RBPJ: variants seen among roughly 807,000 people sequenced by gnomAD.
RBPJ encodes the protein recombining binding protein suppressor of hairless.
RBPJ carries 9 observed loss-of-function variants against 67.8 expected under a neutral mutation model. The observed-to-expected ratio is 0.13, with a 90% confidence interval of 0.08 to 0.23. The LOEUF is 0.23. Among genes scored for constraint, RBPJ ranks in the 10% least tolerant of loss-of-function variants. RBPJ has a pLI of 1.00. For missense variants in RBPJ, 305 were observed against 595.6 expected (o/e 0.51, Z 5.08); for synonymous variants, 198 against 203.3 (o/e 0.97, Z 0.22).
At chr4:26,428,597 T>C (rs1053335063) in intron 7 of RBPJ, 123 bp from the exon 8 acceptor site, 2 of 682,976 alleles carry the variant, frequency 2.9e-6, no homozygotes, top group African/African-American at 3.7e-5. Flanking sequence ...TATGTAGGCA[T>C]AGGACAAATA....
chr4:26,296,952 C>T (rs1007334348), intron 1 of RBPJ, among the ~76,000 whole-genome samples: 1 of 152,084 alleles, frequency 6.6e-6, no homozygotes, highest in African/African-American at 2.4e-5. Context: ...GTGGTTAACC[C>T]GTGTTGCATA....
rs563905642 is a variant in RBPJ, at chr4:26,290,128, G to A, written c.-166-72318G>A. On this transcript the variant is annotated intron_variant, in intron 1 of 4. Coordinates refer to the RBPJ transcript ENST00000512351. ...GAGGGTTGCTTGAGGCCAGGAGTTC[G>A]AAACCAGCCTAGGCAAAACAGCGAG... Among the ~76,000 whole-genome samples, 47 of 149,654 alleles carry A rather than the reference G, an allele frequency of 3.1e-4. 2 individuals are homozygous for A. The South Asian group carries it at 9.7e-3, about 31-fold the overall frequency.
At chr4:26,291,801 C>T (rs559337626) in intron 1 of RBPJ, among the ~76,000 whole-genome samples, 1 of 150,746 alleles carries the variant, frequency 6.6e-6, no homozygotes, top group East Asian at 2.0e-4. Flanking sequence ...GTCTTGAACT[C>T]CTGACCTCCG....
intron 1 of RBPJ, among the ~76,000 whole-genome samples, chr4:26,250,144 C>T (rs985187835): frequency 4.0e-5 from 6 of 151,828 alleles, no homozygotes; most frequent in Non-Finnish European, 4.4e-5. Context: ...AATACTTCCT[C>T]ATTCTCCCCA....
chr4:26,306,481 A>G (rs1722243956), intron 1 of RBPJ, among the ~76,000 whole-genome samples: 1 of 142,090 alleles, frequency 7.0e-6, no homozygotes, highest in African/African-American at 2.8e-5. Flanking sequence ...AGACAAAGTC[A>G]CTCTGATGCC....
intron 1 of RBPJ, among the ~76,000 whole-genome samples, chr4:26,364,713 A>T (rs1217050128): frequency 1.5e-5 from 2 of 129,704 alleles, no homozygotes; most frequent in South Asian, 2.4e-4. Context: ...TGCAACCTCT[A>T]CCTCCCGGTT....
At chr4:26,416,316 A>G (rs114001887) in intron 4 of RBPJ, among the ~76,000 whole-genome samples, 192 of 152,282 alleles carry the variant, frequency 1.3e-3, no homozygotes, top group African/African-American at 4.4e-3. Context: ...CAGAAATGCA[A>G]TAGTGCAATC....
chr4:26,286,384 G>A (rs1238476389), intron 1 of RBPJ, among the ~76,000 whole-genome samples: 1 of 147,284 alleles, frequency 6.8e-6, no homozygotes, highest in African/African-American at 2.6e-5. Context: ...GAGGCTGAAG[G>A]ATCACATGAG....
At chr4:26,231,840 C>A (rs56363109) in intron 1 of RBPJ, among the ~76,000 whole-genome samples, 15 of 151,298 alleles carry the variant, frequency 9.9e-5, no homozygotes, top group Non-Finnish European at 2.2e-4. Flanking sequence ...TGAGCCACTG[C>A]GCCTGACCTT....
chr4:26,208,619 T>C (rs139414271), intron 1 of RBPJ, among the ~76,000 whole-genome samples: 264 of 152,364 alleles, frequency 1.7e-3, no homozygotes, highest in African/African-American at 6.1e-3. Flanking sequence ...CCTATTATGA[T>C]GAACCCAGTT....
chr4:26,328,496 T>C (rs1723889720), intron 1 of RBPJ, among the ~76,000 whole-genome samples: 1 of 152,212 alleles, frequency 6.6e-6, no homozygotes, highest in African/African-American at 2.4e-5. Context: ...AACACAGATG[T>C]AAATGATTAT....
intron 1 of RBPJ, among the ~76,000 whole-genome samples, chr4:26,260,883 C>G (rs1328325254): frequency 6.6e-6 from 1 of 152,196 alleles, no homozygotes; most frequent in African/African-American, 2.4e-5. Context: ...CACCATCATT[C>G]ATTGCCTATG....
At chr4:26,224,886 C>A (rs1006747408) in intron 1 of RBPJ, among the ~76,000 whole-genome samples, 2 of 152,216 alleles carry the variant, frequency 1.3e-5, no homozygotes, top group Non-Finnish European at 2.9e-5. Flanking sequence ...AAAGGAATTC[C>A]TGTCCCATCT....
Position 26,292,146 on chromosome 4 carries a change from T to A in RBPJ, c.-166-70300T>A, listed in dbSNP as rs912515030. Among the ~76,000 whole-genome samples, 7 of 150,710 alleles carry A rather than the reference T, an allele frequency of 4.6e-5. 1 individual carries two copies. Among genetic ancestry groups the A allele is most frequent in the African/African-American group, 1.7e-4 (7 of 40,920 alleles). On this transcript the variant is annotated intron_variant, in intron 1 of 4. Transcript: ENST00000512351. ...ACAGTATTGGCAATTATTGCCACCATGCTTTATATTTAGTCTCCAGAACTT... is the reference window on the plus strand; with the variant it reads ...ACAGTATTGGCAATTATTGCCACCAAGCTTTATATTTAGTCTCCAGAACTT...
At chr4:26,255,922 T>C (rs1206097961) in intron 1 of RBPJ, among the ~76,000 whole-genome samples, 2 of 152,220 alleles carry the variant, frequency 1.3e-5, no homozygotes, top group Non-Finnish European at 2.9e-5. Flanking sequence ...CAAGTATTCC[T>C]TATGAATAAC....
At chr4:26,243,221 A>G (rs1719709953) in intron 1 of RBPJ, among the ~76,000 whole-genome samples, 1 of 151,952 alleles carries the variant, frequency 6.6e-6, no homozygotes, top group South Asian at 2.1e-4. Flanking sequence ...GAGCAAAAAA[A>G]CTCCGTCTCA....
At chr4:26,145,239 T>C in the RBPJ span, among the ~76,000 whole-genome samples, 3 of 152,290 alleles carry the variant, frequency 2.0e-5, no homozygotes, top group East Asian at 3.9e-4. Flanking sequence ...GAGAAAAATG[T>C]TGAACTTTTA....
chr4:26,321,221 C>T (rs1452031451), intron 1 of RBPJ, 173 bp downstream of exon 1: 1 of 163,166 alleles, frequency 6.1e-6, no homozygotes, highest in Non-Finnish European at 1.2e-5. Context: ...CGCTGCCGCT[C>T]TGCGCTGCCG....
chr4:26,378,359 T>TA (rs141192169), intron 1 of RBPJ, among the ~76,000 whole-genome samples: 4,909 of 152,180 alleles, frequency 0.032, 238 homozygotes, highest in African/African-American at 0.1. Context: ...GCCATAGATT[T>TA]AAAAAAATTC....
Sources: allele counts gnomAD v4.1 joint callset (sites outside exome capture counted in the v4.1 genomes callset), GRCh38; gene constraint gnomAD v4.1.1; transcripts MANE v1.5; gene names NCBI Gene and HGNC (gene_info 2026-07-23, HGNC 2026-07-21).